FAM178B: variants seen among roughly 807,000 people sequenced by gnomAD.
FAM178B encodes protein FAM178B.
In FAM178B, 82 loss-of-function variants were observed where a neutral mutation model predicts 91.7. The ratio of observed to expected loss-of-function variants is 0.89; its 90% CI spans 0.75 to 1.07. FAM178B has a LOEUF of 1.07. Among genes scored for constraint, FAM178B ranks in the 50% least tolerant of loss-of-function variants. The pLI, the probability that FAM178B is intolerant of heterozygous loss-of-function variation, is 0.00. For synonymous variants in FAM178B, 368 were observed against 359.4 expected (o/e 1.02, Z -0.27); for missense variants, 769 against 846.7 (o/e 0.91, Z 1.14).
chr2:96,979,833 C>T (rs1414107457), intron 1 of FAM178B, among the ~76,000 whole-genome samples: 3 of 152,182 alleles, frequency 2.0e-5, no homozygotes, highest in Non-Finnish European at 4.4e-5. Context: ...TTCTGACTGA[C>T]GTGAGTCGGG....
chr2:96,905,816 GTGTATATATATA>G (rs1176017158), intron 12 of FAM178B, among the ~76,000 whole-genome samples: 664 of 36,650 alleles, frequency 0.018, 21 homozygotes, highest in Admixed American at 0.045. Context: ...ACATATATGT[GTGTATATATATA>G]TATATATATA....
intron 13 of FAM178B, chr2:96,898,058 G>C (rs755435282): frequency 2.0e-6 from 2 of 985,688 alleles, no homozygotes; most frequent in Non-Finnish European, 2.4e-6. Context: ...CTGCCCAGCA[G>C]TGCCCTGCAA....
At chr2:96,901,546 G>C (rs1278370675) in intron 13 of FAM178B, among the ~76,000 whole-genome samples, 1 of 152,126 alleles carries the variant, frequency 6.6e-6, no homozygotes. Flanking sequence ...GACACCAGAG[G>C]GAGTAGTTTT....
At chr2:96,928,527 A>G (rs1424821322) in intron 9 of FAM178B, among the ~76,000 whole-genome samples, 1 of 152,172 alleles carries the variant, frequency 6.6e-6, no homozygotes, top group African/African-American at 2.4e-5. Context: ...GTGGGAACAT[A>G]AAAGCATGCC....
intron 16 of FAM178B, 53 bp downstream of exon 16, chr2:96,877,837 C>T (rs930739294): frequency 8.9e-6 from 14 of 1,568,636 alleles, no homozygotes; most frequent in Non-Finnish European, 1.2e-5. Context: ...CTGGCCAGCC[C>T]TGCCTGACCA....
intron 8 of FAM178B, among the ~76,000 whole-genome samples, chr2:96,940,767 TATAC>T (rs1422860762): frequency 6.6e-6 from 1 of 152,254 alleles, no homozygotes; most frequent in Non-Finnish European, 1.5e-5. Flanking sequence ...TATGTAAGTG[TATAC>T]ATTATACACT....
intron 6 of FAM178B, chr2:96,956,612 T>C (rs1490795227): frequency 6.6e-6 from 1 of 152,240 alleles, no homozygotes; most frequent in Non-Finnish European, 1.5e-5. Context: ...GGCATTTACT[T>C]TCCTCTCTTC....
chr2:96,971,904 T>C lies in FAM178B; in HGVS notation c.561A>G (p.Pro187=), dbSNP rs1221143389. The C allele has an allele frequency of 5.4e-6, 8 of 1,491,750 alleles. No individual in the cohort carries two copies. Among genetic ancestry groups the C allele is most frequent in the Non-Finnish European group, 7.1e-6 (8 of 1,119,904 alleles). The allele number at this position is 1,491,750 out of a possible 1,614,324, so 92.4% of individuals were successfully genotyped here. A position where few individuals can be genotyped will look rare whatever the true frequency, so the allele number is the denominator to read the frequency against. Residue 187 remains proline, a synonymous_variant, in exon 3 of 17, where the codon CCA becomes CCG. Coordinates refer to ENST00000490605, the MANE Select transcript of FAM178B (RefSeq NM_001122646.3). ...CCAAGGGTGGACACAGGCTCACCTC[T>C]GGGGCCGCAGCCTGCTGGCTCAGGC... ...TSGLSQQAAA[P]EFSWGGSGSY...
At chr2:96,917,887 G>GT (rs1279617397) in intron 12 of FAM178B, among the ~76,000 whole-genome samples, 1 of 152,108 alleles carries the variant, frequency 6.6e-6, no homozygotes, top group African/African-American at 2.4e-5. Flanking sequence ...AAAAATTGAC[G>GT]TTGGGTCCCC....
intron 14 of FAM178B, among the ~76,000 whole-genome samples, chr2:96,885,392 T>C (rs1236577281): frequency 1.3e-5 from 2 of 152,222 alleles, no homozygotes; most frequent in Non-Finnish European, 1.5e-5. Context: ...TCCGAGACCC[T>C]TCACAGCGGG....
intron 7 of FAM178B, among the ~76,000 whole-genome samples, chr2:96,950,267 G>C (rs2081903465): frequency 6.6e-6 from 1 of 152,196 alleles, no homozygotes; most frequent in Non-Finnish European, 1.5e-5. Context: ...GCCAGCGTGG[G>C]GAATAATGGC....
chr2:96,972,371 C>A, intron 2 of FAM178B, 49 bp from the exon 3 acceptor site: 1 of 1,471,350 alleles, frequency 6.8e-7, no homozygotes, highest in South Asian at 1.4e-5. Flanking sequence ...CTGCCACTGT[C>A]CCAGACGTCA....
intron 8 of FAM178B, among the ~76,000 whole-genome samples, chr2:96,945,094 G>A (rs539505489): frequency 6.6e-5 from 10 of 152,284 alleles, no homozygotes; most frequent in Admixed American, 6.5e-5. Context: ...GCCATCTAGC[G>A]AAGTGCTTGA....
intron 14 of FAM178B, 54 bp downstream of exon 14, chr2:96,893,872 A>G: frequency 6.3e-7 from 1 of 1,580,390 alleles, no homozygotes; most frequent in South Asian, 1.1e-5. Context: ...TTTCCCTGCT[A>G]CCTGTGGTGG....
chr2:96,972,277 T>A lies in FAM178B; in HGVS notation c.188A>T (p.Glu63Val), dbSNP rs966614703. The change falls in exon 3 of 17, where the codon GAG becomes GTG. Residue 63 changes from glutamate (E) to valine (V), a missense_variant. Glu to Val is a moderately radical substitution (Grantham distance 121). Coordinates refer to ENST00000490605, the MANE Select transcript of FAM178B (RefSeq NM_001122646.3). ...CAGGGGATGGTCTGACAAGCCATCC[T>A]CCAGGTTGTACAGGAGGATGGGCAC... is the stretch of plus-strand genomic sequence containing the variant. ...ATVPILLYNL[E>V]DGLSDHPLDQ... 2 of 1,493,826 alleles carry A rather than the reference T, an allele frequency of 1.3e-6. No homozygotes were observed. Among genetic ancestry groups the A allele is most frequent in the African/African-American group, 2.8e-5 (2 of 71,008 alleles). The allele number at this position is 1,493,826 out of a possible 1,614,324, so 92.5% of individuals were successfully genotyped here.
chr2:96,886,725 C>T (rs1193516040), intron 14 of FAM178B, among the ~76,000 whole-genome samples: 1 of 152,180 alleles, frequency 6.6e-6, no homozygotes, highest in Non-Finnish European at 1.5e-5. Flanking sequence ...CATGGTCGGC[C>T]TGGGAGCTGT....
chr2:96,965,704 C>T (rs2082134518), intron 5 of FAM178B, among the ~76,000 whole-genome samples: 1 of 152,124 alleles, frequency 6.6e-6, no homozygotes, highest in Non-Finnish European at 1.5e-5. Context: ...TGGGCCCAAG[C>T]AATCCTCCTG....
intron 12 of FAM178B, among the ~76,000 whole-genome samples, chr2:96,904,948 G>C (rs2081003270): frequency 6.6e-6 from 1 of 151,412 alleles, no homozygotes; most frequent in South Asian, 2.1e-4. Context: ...ATTTTCAGTA[G>C]AGACAGGTTT....
chr2:96,950,069 T>C lies in FAM178B; in HGVS notation c.993+1310A>G, dbSNP rs546964654. On this transcript the variant is annotated intron_variant, in intron 7 of 16. Transcript: ENST00000490605. ...GGGGAAAGAGGCAGGGGAAGGCTCG[T>C]CTGTGCCTCCCAGGATGGGGGTCTC... is the stretch of plus-strand genomic sequence containing the variant. 12 of 985,650 alleles carry C rather than the reference T, an allele frequency of 1.2e-5. No individual in the cohort carries two copies. The South Asian group carries it at 5.2e-4, about 42-fold the overall frequency. The allele number at this position is 985,650 out of a possible 1,614,324, so 61.1% of individuals were successfully genotyped here. A position where few individuals can be genotyped will look rare whatever the true frequency, so the allele number is the denominator to read the frequency against.
Sources: gnomAD v4.1 joint callset for allele counts (sites outside exome capture counted in the v4.1 genomes callset) on GRCh38, gnomAD v4.1.1 for gene constraint, MANE v1.5 for transcripts, NCBI Gene and HGNC (gene_info 2026-07-23, HGNC 2026-07-21) for gene names.